Variants in FAM219A observed in about 807,000 individuals in gnomAD.
The protein encoded by FAM219A is protein FAM219A.
A neutral mutation model predicts 23.4 loss-of-function variants in FAM219A; 7 were observed. The ratio of observed to expected loss-of-function variants is 0.30; its 90% CI spans 0.17 to 0.56. The LOEUF (loss-of-function observed/expected upper bound fraction) is 0.56. Among genes scored for constraint, FAM219A ranks in the 20% least tolerant of loss-of-function variants. The pLI is 0.92. For synonymous variants in FAM219A, 93 were observed against 99.0 expected, an observed-to-expected ratio of 0.94 and a Z score of 0.36; for missense variants, 166 against 246.9, an observed-to-expected ratio of 0.67 and a Z score of 2.20.
Position 34,458,127 on chromosome 9 carries a change from C to T in FAM219A, c.60+77G>A, listed in dbSNP as rs1012314222. ...TCCGATGGCGCCCCTCCGCACGATC[C>T]CCCCGGCCTGATTCCCTCCCTCCCC... On this transcript the variant is annotated intron_variant, in intron 1 of 5. Transcript: ENST00000651358. The surrounding 1 kb of genome is among the most constrained non-coding windows in gnomAD (Gnocchi z 6.6). 7 of 1,388,836 alleles carry T rather than the reference C, an allele frequency of 5.0e-6. No individual in the cohort carries two copies. Among genetic ancestry groups the T allele is most frequent in the Non-Finnish European group, 5.8e-6 (6 of 1,038,416 alleles). 86.0% of individuals were successfully genotyped at this position (1,388,836 alleles called of 1,614,324 possible). A position where few individuals can be genotyped will look rare whatever the true frequency, so the allele number is the denominator to read the frequency against.
chr9:34,419,185 G>T (rs1316656653), intron 1 of FAM219A, among the ~76,000 whole-genome samples: 2 of 152,080 alleles, frequency 1.3e-5, no homozygotes, highest in Non-Finnish European at 2.9e-5. Flanking sequence ...TGAGAAGCAG[G>T]ACCTAGGCAG....
chr9:34,420,289 T>C (rs34537547), intron 1 of FAM219A, among the ~76,000 whole-genome samples: 29,372 of 151,710 alleles, frequency 0.19, 3,516 homozygotes, highest in Middle Eastern at 0.3. Context: ...GCATGGAGGG[T>C]GGTAGGAGCA....
intron 1 of FAM219A, among the ~76,000 whole-genome samples, chr9:34,414,919 C>G (rs1821943778): frequency 6.6e-6 from 1 of 152,148 alleles, no homozygotes; most frequent in Admixed American, 6.6e-5. Flanking sequence ...AGCATCTTTT[C>G]TCTTTCTTTT....
rs751855338 is a variant in FAM219A, at chr9:34,405,921, C to T, written c.104G>A (p.Arg35Gln). 3.9e-5 allele frequency: 63 copies of T among 1,613,534 alleles called. No individual in the cohort carries two copies. The highest frequency in any genetic ancestry group is 3.3e-4 in the Admixed American group (20 of 59,928). The change falls in exon 2 of 6, where the codon CGG becomes CAG. Residue 35 changes from arginine to glutamine, a missense_variant. Coordinates refer to ENST00000651358, the MANE Select transcript of FAM219A (RefSeq NM_001184940.2). Reference protein sequence around the residue: ...ASISDGDCDAREGESVAMNYK... With the variant: ...ASISDGDCDAQEGESVAMNYK... Reference sequence around the variant, plus strand: ...ATTCATGGCTACTGACTCACCCTCCCGGGCGTCACAGTCTCCGTCAGAGAT... The same window carrying T: ...ATTCATGGCTACTGACTCACCCTCCTGGGCGTCACAGTCTCCGTCAGAGAT...
chr9:34,455,850 G>A (rs549260346), intron 1 of FAM219A, among the ~76,000 whole-genome samples: 37 of 152,288 alleles, frequency 2.4e-4, no homozygotes, highest in Admixed American at 5.9e-4. Context: ...ACCCTCAAAT[G>A]AGGGATGACT....
intron 5 of FAM219A, 39 bp downstream of exon 5, chr9:34,401,626 TG>T: frequency 6.3e-7 from 1 of 1,594,044 alleles, no homozygotes. Flanking sequence ...GCAGTGATCC[TG>T]CCCGGTGGTG....
At chr9:34,407,523 A>G (rs999393685) in intron 1 of FAM219A, among the ~76,000 whole-genome samples, 2 of 152,172 alleles carry the variant, frequency 1.3e-5, no homozygotes, top group Non-Finnish European at 2.9e-5. Context: ...CGAGAGGGGA[A>G]GTGTCTTACG....
At chr9:34,412,391 G>A (rs190117799) in intron 1 of FAM219A, among the ~76,000 whole-genome samples, 96 of 152,310 alleles carry the variant, frequency 6.3e-4, no homozygotes, top group African/African-American at 2.3e-3. Flanking sequence ...ATTAAGACAA[G>A]TTATTAAATG....
chr9:34,430,365 C>CAAAA (rs1822645099), intron 1 of FAM219A, among the ~76,000 whole-genome samples: 1 of 151,858 alleles, frequency 6.6e-6, no homozygotes, highest in Non-Finnish European at 1.5e-5. Flanking sequence ...CCTGTCTCTA[C>CAAAA]AAAACAAAAC....
At chr9:34,425,018 C>T (rs1344628976) in intron 1 of FAM219A, among the ~76,000 whole-genome samples, 1 of 152,022 alleles carries the variant, frequency 6.6e-6, no homozygotes, top group Non-Finnish European at 1.5e-5. Context: ...GTTGCCCAGG[C>T]TTGTCTCAGA....
At chr9:34,436,090 C>T (rs1465667782) in intron 1 of FAM219A, among the ~76,000 whole-genome samples, 1 of 152,168 alleles carries the variant, frequency 6.6e-6, no homozygotes, top group African/African-American at 2.4e-5. Flanking sequence ...CAGGCATGAG[C>T]TGCCGTGCCC....
chr9:34,420,469 T>C (rs1381823186), intron 1 of FAM219A, among the ~76,000 whole-genome samples: 1 of 152,244 alleles, frequency 6.6e-6, no homozygotes, highest in Non-Finnish European at 1.5e-5. Context: ...ACTCTACTTT[T>C]CGTTGCTGCT....
rs757662813 is a variant in FAM219A, at chr9:34,416,183, A to AAAAGAAAGAAAG, written c.61-10231_61-10220dup. Among the ~76,000 whole-genome samples, 281 of 64,078 alleles carry AAAAGAAAGAAAG rather than the reference A, an allele frequency of 4.4e-3. 2 individuals are homozygous for AAAAGAAAGAAAG. Among genetic ancestry groups the AAAAGAAAGAAAG allele is most frequent in the Middle Eastern group, 6.8e-3 (1 of 146 alleles). 42.0% of individuals were successfully genotyped at this position (64,078 alleles called of 152,430 possible). On this transcript the variant is annotated intron_variant, in intron 1 of 5. Coordinates refer to ENST00000651358, the MANE Select transcript of FAM219A (RefSeq NM_001184940.2). ...AGAGTGAGATCCTGAGAAGAAAGAG[A>AAAAGAAAGAAAG]AAAGAAAGAAAGAAAGAAAGAAAGA...
intron 1 of FAM219A, among the ~76,000 whole-genome samples, chr9:34,431,358 ACACACACGGACACACACACAAACT>A (rs1265929969): frequency 6.6e-6 from 1 of 152,184 alleles, no homozygotes; most frequent in Admixed American, 6.5e-5. Context: ...CAGCTGCTGC[ACACACACGGACACACACACAAACT>A]CACACACGCA....
intron 1 of FAM219A, among the ~76,000 whole-genome samples, chr9:34,438,936 C>T (rs1048579941): frequency 6.6e-6 from 1 of 152,236 alleles, no homozygotes; most frequent in Non-Finnish European, 1.5e-5. Context: ...TCTTTGGGTC[C>T]ACACTGCTTT....
chr9:34,410,317 A>T (rs951450892), intron 1 of FAM219A, among the ~76,000 whole-genome samples: 6 of 152,332 alleles, frequency 3.9e-5, no homozygotes, highest in African/African-American at 1.4e-4. Flanking sequence ...CTGGGACCCA[A>T]GAGATCCCAA....
chr9:34,400,957 C>T lies in FAM219A; in HGVS notation c.*7G>A, dbSNP rs1821400733. 1.3e-6 allele frequency: 2 copies of T among 1,532,558 alleles called. No individual in the cohort carries two copies. Among genetic ancestry groups the T allele is most frequent in the South Asian group, 1.3e-5 (1 of 79,950 alleles). 94.9% of individuals were successfully genotyped at this position (1,532,558 alleles called of 1,614,324 possible). The stretch of plus-strand genomic sequence containing the variant: ...CCCCGCCCCGGCGACCGCAGTGGCC[C>T]CGCCCGCTACTGAATGTGGCAGGCG... On this transcript the variant is annotated 3_prime_UTR_variant, in exon 6 of 6. Transcript: ENST00000651358.
chr9:34,429,773 T>G (rs1186202802), intron 1 of FAM219A, among the ~76,000 whole-genome samples: 2 of 152,154 alleles, frequency 1.3e-5, no homozygotes, highest in African/African-American at 4.8e-5. Context: ...TTAAATTAAG[T>G]ATATTCCTAT....
Position 34,398,228 on chromosome 9 carries a change from A to G in FAM219A, c.*2736T>C. ...AATATCATTATTTGTGTTACACGATACACAACCAAGGATGATGGTCAATAC... is the reference window on the plus strand; with the variant it reads ...AATATCATTATTTGTGTTACACGATGCACAACCAAGGATGATGGTCAATAC... On this transcript the variant is annotated 3_prime_UTR_variant, in exon 6 of 6. Coordinates refer to ENST00000651358, the MANE Select transcript of FAM219A (RefSeq NM_001184940.2). 3 of 1,535,428 alleles carry G rather than the reference A, an allele frequency of 2.0e-6. No homozygotes were observed. The South Asian group carries it at 3.6e-5, about 18-fold the overall frequency.
Sources: allele counts gnomAD v4.1 joint callset (sites outside exome capture counted in the v4.1 genomes callset), GRCh38; gene constraint gnomAD v4.1.1; non-coding constraint Gnocchi (gnomAD v3.1); transcripts MANE v1.5; gene names NCBI Gene and HGNC (gene_info 2026-07-23, HGNC 2026-07-21).